The following ATM variants were observed in gnomAD, a reference collection of about 807,000 sequenced individuals.
ATM encodes ATM serine/threonine kinase, also known as serine-protein kinase ATM.
A neutral mutation model predicts 387.0 loss-of-function variants in ATM; 308 were observed. The observed-to-expected ratio is 0.80, with a 90% confidence interval of 0.73 to 0.87. The LOEUF (loss-of-function observed/expected upper bound fraction) is 0.87, where lower values mean the gene tolerates loss of function less well. ATM is among the 40% of genes least tolerant of loss of function. The probability of loss-of-function intolerance (pLI) is 0.00; values close to 1 mark genes in which losing one functional copy is unlikely to be tolerated. For synonymous variants in ATM, 1,156 were observed against 1,187.3 expected (o/e 0.97, Z 0.54); for missense variants, 3,312 against 3,560.9 (o/e 0.93, Z 1.78).
Position 108,368,842 on chromosome 11 carries a change from T to G in ATM, c.*3334T>G, listed in dbSNP as rs550040386. On this transcript the variant is annotated 3_prime_UTR_variant, in exon 63 of 63. Coordinates refer to ENST00000675843, the MANE Select transcript of ATM (RefSeq NM_000051.4). Reference sequence around the variant, plus strand: ...TGCCTAAAATGTATGCACTTAGGAATGCTAAAAATTTAAATATGGTCTAAA... The same window carrying G: ...TGCCTAAAATGTATGCACTTAGGAAGGCTAAAAATTTAAATATGGTCTAAA... 7 of 202,168 alleles carry G rather than the reference T, an allele frequency of 3.5e-5. No individual in the cohort carries two copies. The East Asian group carries it at 4.6e-4, about 13-fold the overall frequency. The allele number at this position is 202,168 out of a possible 1,614,324, so 12.5% of individuals were successfully genotyped here.
chr11:108,237,377 G>T (rs2079329796), intron 5 of ATM, among the ~76,000 whole-genome samples: 1 of 152,038 alleles, frequency 6.6e-6, no homozygotes, highest in Non-Finnish European at 1.5e-5. Flanking sequence ...TGAAACAAAG[G>T]CAGTCTTTCC....
intron 1 of ATM, 197 bp from the exon 2 acceptor site, chr11:108,227,398 A>T (rs2078793468): frequency 2.0e-6 from 1 of 502,854 alleles, no homozygotes; most frequent in Non-Finnish European, 3.5e-6. Context: ...GATTTTAAGA[A>T]AATCTCATTT....
At chr11:108,282,033 A>G (rs941137231) in intron 24 of ATM, among the ~76,000 whole-genome samples, 3 of 152,076 alleles carry the variant, frequency 2.0e-5, no homozygotes, top group Middle Eastern at 3.2e-3. Context: ...TGATGTGATC[A>G]TGGCTCACTG....
chr11:108,286,416 A>G (rs1040628937), intron 26 of ATM, among the ~76,000 whole-genome samples: 15 of 151,788 alleles, frequency 9.9e-5, no homozygotes. Flanking sequence ...ATGAAATTAT[A>G]CTCCACAGAG....
chr11:108,236,828 CAG>C (rs1466323873), intron 5 of ATM, among the ~76,000 whole-genome samples: 14 of 152,170 alleles, frequency 9.2e-5, no homozygotes, highest in African/African-American at 2.4e-4. Context: ...AAGTTATGGT[CAG>C]AGATTGAAAT....
Position 108,367,308 on chromosome 11 carries a change from G to GT in ATM, c.*1801dup. 1.1e-5 allele frequency: 2 copies of GT among 182,384 alleles called. No individual in the cohort carries two copies. The highest frequency in any genetic ancestry group is 2.3e-5 in the African/African-American group (1 of 42,558). The allele number at this position is 182,384 out of a possible 1,614,324, so 11.3% of individuals were successfully genotyped here. ...GGCCTCATTCCCCTCATTTTTGACC[G>GT]TAAGGATTTCCCCTTTCTTGTAAGT... On this transcript the variant is annotated 3_prime_UTR_variant, in exon 63 of 63. Transcript: ENST00000675843.
chr11:108,265,355 C>G (rs1250675912), intron 16 of ATM, among the ~76,000 whole-genome samples: 9 of 152,244 alleles, frequency 5.9e-5, no homozygotes, highest in South Asian at 2.1e-4. Context: ...TGCTCTTTGA[C>G]AAACCTGAGA....
intron 33 of ATM, among the ~76,000 whole-genome samples, chr11:108,298,836 A>T (rs2083259949): frequency 6.6e-6 from 1 of 152,272 alleles, no homozygotes; most frequent in African/African-American, 2.4e-5. Flanking sequence ...AAATGAATTT[A>T]GCAAAGTTGC....
intron 28 of ATM, 97 bp from the exon 29 acceptor site, chr11:108,289,505 G>T: frequency 1.1e-6 from 1 of 879,570 alleles, no homozygotes; most frequent in Non-Finnish European, 1.7e-6. Flanking sequence ...TATAAAATGT[G>T]TAGGTATTCA....
intron 16 of ATM, among the ~76,000 whole-genome samples, chr11:108,260,786 C>T (rs1467025886): frequency 6.6e-6 from 1 of 152,130 alleles, no homozygotes; most frequent in South Asian, 2.1e-4. Context: ...GGTGTGCGCA[C>T]CGTGCGCGAG....
At chr11:108,252,674 A>G (rs1186258232) in intron 11 of ATM, 143 bp from the exon 12 acceptor site, 9 of 645,354 alleles carry the variant, frequency 1.4e-5, no homozygotes, top group African/African-American at 1.1e-4. Flanking sequence ...ATATTAAGAA[A>G]TTTAGTATAG....
chr11:108,266,661 T>C (rs1273527011), intron 16 of ATM, among the ~76,000 whole-genome samples: 1 of 152,112 alleles, frequency 6.6e-6, no homozygotes, highest in East Asian at 1.9e-4. Flanking sequence ...TTTTAAAGTT[T>C]GCATATTATT....
At chr11:108,230,679 G>C (rs2078967188) in intron 4 of ATM, 1 of 151,924 alleles carries the variant, frequency 6.6e-6, no homozygotes, top group South Asian at 2.1e-4. Context: ...GAAGAGGCCA[G>C]AAAAACAAAC....
Position 108,244,131 on chromosome 11 carries a change from C to T in ATM, c.662+13C>T. 1 of 1,613,338 alleles carries T rather than the reference C, an allele frequency of 6.2e-7. No individual in the cohort carries two copies. The highest frequency in any genetic ancestry group is 8.5e-7 in the Non-Finnish European group (1 of 1,179,652). On this transcript the variant is annotated intron_variant, in intron 6 of 62. Coordinates refer to ENST00000675843, the MANE Select transcript of ATM (RefSeq NM_000051.4). ...TTCAGTGTGCGAGGTAATCTAATCT[C>T]TTTTTCTTTTGTTTTGTATTGAAAT... is the stretch of plus-strand genomic sequence containing the variant.
chr11:108,327,037 A>C (rs2085748466), intron 47 of ATM, among the ~76,000 whole-genome samples: 1 of 152,096 alleles, frequency 6.6e-6, no homozygotes, highest in East Asian at 1.9e-4. Context: ...CATGTTGGCA[A>C]GACTGGTCTC....
At chr11:108,251,720 T>G in intron 10 of ATM, 117 bp from the exon 11 acceptor site, 1 of 1,019,704 alleles carries the variant, frequency 9.8e-7, no homozygotes, top group Non-Finnish European at 1.5e-6. Flanking sequence ...CTTTTAACAG[T>G]TTTTATGTTC....
Position 108,251,977 on chromosome 11 carries a change from A to T in ATM, c.1748A>T (p.Tyr583Phe), listed in dbSNP as rs587780614. The change falls in exon 11 of 63, where the codon TAT (tyrosine) becomes TTT (phenylalanine). Residue 583 changes from tyrosine to phenylalanine, a missense_variant. By Grantham distance (22) the Tyr-to-Phe change is conservative. Coordinates refer to ENST00000675843, the MANE Select transcript of ATM (RefSeq NM_000051.4). Reference sequence around the variant, plus strand: ...TCAATAATGAAATGGCTCTTATTCTATCAGTTAGAGGGTGACTTAGAAAAT... The same window carrying T: ...TCAATAATGAAATGGCTCTTATTCTTTCAGTTAGAGGGTGACTTAGAAAAT... ...KESIMKWLLF[Y>F]QLEGDLENST... 6.2e-7 allele frequency: 1 copy of T among 1,613,746 alleles called. No individual in the cohort carries two copies. The highest frequency in any genetic ancestry group is 1.1e-5 in the South Asian group (1 of 91,074).
intron 13 of ATM, among the ~76,000 whole-genome samples, chr11:108,255,239 G>A (rs779403374): frequency 6.6e-6 from 1 of 152,050 alleles, no homozygotes; most frequent in African/African-American, 2.4e-5. Flanking sequence ...GGGACAGTGT[G>A]CCTCTTTATG....
At position 108,272,741 on chromosome 11, in the gene ATM, G is replaced by A. The variant is rs1297911790; in HGVS notation, c.3173G>A (p.Trp1058Ter). 6.2e-7 allele frequency: 1 copy of A among 1,613,846 alleles called. No individual in the cohort carries two copies. The highest frequency in any genetic ancestry group is 1.7e-5 in the Admixed American group (1 of 60,000). ...CCGTAGGCTGATCCTTATTCAAAAT[G>A]GGCCATTCTTAATGTAATGGGAAAA... The part of the protein sequence containing the change: ...TLLEADPYSK[W>*]AILNVMGKDF... Residue 1058 changes from tryptophan (W) to a stop codon, truncating the protein, a stop_gained, in exon 22 of 63, where the codon TGG becomes TAG. Transcript: ENST00000675843. LOFTEE classifies it high-confidence loss of function.
Sources: allele counts gnomAD v4.1 joint callset (sites outside exome capture counted in the v4.1 genomes callset), GRCh38; gene constraint gnomAD v4.1.1; transcripts MANE v1.5; gene names NCBI Gene and HGNC (gene_info 2026-07-23, HGNC 2026-07-21).